The following NCOA7 variants were observed in gnomAD, a reference collection of about 807,000 sequenced individuals.
NCOA7 encodes 140 kDa estrogen receptor-associated protein.
Under a neutral mutation model 104.3 loss-of-function variants are expected in NCOA7, and 45 were observed. The observed-to-expected ratio is 0.43, with a 90% CI of 0.34 to 0.55. The LOEUF is 0.55. Ranked by LOEUF, NCOA7 falls within the 20% of genes least tolerant of loss-of-function variation. The probability of loss-of-function intolerance (pLI) is 0.02; values close to 1 mark genes in which losing one functional copy is unlikely to be tolerated. For missense variants in NCOA7, 1,041 were observed against 1,119.7 expected (o/e 0.93, Z 1.00); for synonymous variants, 398 against 402.3 (o/e 0.99, Z 0.13).
At chr6:125,784,514 A>C (rs1288521970) in intron 1 of NCOA7, among the ~76,000 whole-genome samples, 1 of 152,236 alleles carries the variant, frequency 6.6e-6, no homozygotes, top group Non-Finnish European at 1.5e-5. Flanking sequence ...TTACCATATG[A>C]CTCAGCAAAT....
rs766700394 is a variant in NCOA7 at position 125,930,805 on chromosome 6, G to A, written c.*2034G>A. 1 of 152,296 alleles carries A rather than the reference G, an allele frequency of 6.6e-6. No homozygotes were observed. Among genetic ancestry groups the A allele is most frequent in the Non-Finnish European group, 1.5e-5 (1 of 68,028 alleles). 9.4% of individuals were successfully genotyped at this position (152,296 alleles called of 1,614,324 possible). ...CTGGCAGTTTCACCTTAACCTGCTC[G>A]TTAAATAATGTGTTGGTGTGAGATA... is the stretch of plus-strand genomic sequence containing the variant. On this transcript the variant is annotated 3_prime_UTR_variant, in exon 16 of 16. Transcript: ENST00000392477.
chr6:125,882,815 G>T (rs1783954080), intron 7 of NCOA7, among the ~76,000 whole-genome samples: 1 of 152,068 alleles, frequency 6.6e-6, no homozygotes. Context: ...AATTGTTAGG[G>T]AGACAATATA....
intron 10 of NCOA7, among the ~76,000 whole-genome samples, chr6:125,893,784 G>A (rs545828390): frequency 2.0e-5 from 3 of 152,268 alleles, no homozygotes; most frequent in Admixed American, 6.5e-5. Flanking sequence ...TATTTACCTT[G>A]GTAGAAGTTG....
chr6:125,916,036 C>T (rs115484292), intron 11 of NCOA7, among the ~76,000 whole-genome samples: 3 of 152,282 alleles, frequency 2.0e-5, no homozygotes, highest in Admixed American at 6.5e-5. Flanking sequence ...AGTTTGGCTC[C>T]ACGTCCCCAT....
intron 13 of NCOA7, among the ~76,000 whole-genome samples, chr6:125,925,832 A>G (rs1031195186): frequency 2.0e-5 from 3 of 152,334 alleles, no homozygotes; most frequent in South Asian, 4.1e-4. Context: ...TTACATTTTT[A>G]TATGGTATAG....
At chr6:125,888,916 A>G in intron 8 of NCOA7, 23 bp from the exon 9 acceptor site, 1 of 1,545,774 alleles carries the variant, frequency 6.5e-7, no homozygotes. Context: ...TTCCATGTGC[A>G]CCCACCATTT....
intron 1 of NCOA7, among the ~76,000 whole-genome samples, chr6:125,804,366 A>AG (rs1776212957): frequency 6.6e-6 from 1 of 152,168 alleles, no homozygotes; most frequent in African/African-American, 2.4e-5. Flanking sequence ...ACAGCATAGT[A>AG]GGGGGTATCT....
intron 14 of NCOA7, 92 bp from the exon 15 acceptor site, chr6:125,928,082 T>A: frequency 8.3e-7 from 1 of 1,200,692 alleles, no homozygotes; most frequent in Non-Finnish European, 1.2e-6. Context: ...GTGAGGTGGT[T>A]CCCTTTTACA....
intron 1 of NCOA7, chr6:125,810,353 G>A (rs1469808886): frequency 6.6e-6 from 1 of 152,134 alleles, no homozygotes; most frequent in East Asian, 1.9e-4. Flanking sequence ...TTGAGGTAAG[G>A]ATTTTTATGT....
At chr6:125,835,522 T>A (rs756215108) in intron 2 of NCOA7, among the ~76,000 whole-genome samples, 1 of 152,268 alleles carries the variant, frequency 6.6e-6, no homozygotes, top group Non-Finnish European at 1.5e-5. Flanking sequence ...AAATCCTTCC[T>A]TTCTTTTAGC....
At chr6:125,891,642 T>C (rs958128473) in intron 10 of NCOA7, among the ~76,000 whole-genome samples, 11 of 152,218 alleles carry the variant, frequency 7.2e-5, no homozygotes, top group Non-Finnish European at 1.5e-4. Flanking sequence ...TTCCATAGCA[T>C]GATTTCTCAG....
chr6:125,900,729 G>T (rs2128670765), intron 10 of NCOA7, among the ~76,000 whole-genome samples: 1 of 152,064 alleles, frequency 6.6e-6, no homozygotes, highest in East Asian at 1.9e-4. Context: ...TCACATTGTT[G>T]TACATTAGAT....
At chr6:125,831,271 A>G (rs1486963279) in intron 2 of NCOA7, among the ~76,000 whole-genome samples, 1 of 152,168 alleles carries the variant, frequency 6.6e-6, no homozygotes, top group Non-Finnish European at 1.5e-5. Context: ...GCCCATCAAT[A>G]TGCCAAATCT....
intron 8 of NCOA7, among the ~76,000 whole-genome samples, chr6:125,887,357 C>G: frequency 6.6e-6 from 1 of 152,120 alleles, no homozygotes; most frequent in Non-Finnish European, 1.5e-5. Flanking sequence ...ACTTGTTTGA[C>G]TCTAGGATGG....
rs1009039516 is a variant in NCOA7, at chr6:125,930,974, C to G, written c.*2203C>G. The G allele has an allele frequency of 6.6e-6, 1 of 152,666 alleles. No homozygotes were observed. The highest frequency in any genetic ancestry group is 6.5e-5 in the Admixed American group (1 of 15,286). 9.5% of individuals were successfully genotyped at this position (152,666 alleles called of 1,614,324 possible). A position where few individuals can be genotyped will look rare whatever the true frequency, so the allele number is the denominator to read the frequency against. On this transcript the variant is annotated 3_prime_UTR_variant, in exon 16 of 16. Transcript: ENST00000392477. ...GTCCATGATACTATAATTGTGAGAG[C>G]ATATCCAGATGCTGTGTTCTCTATG...
chr6:125,838,952 G>A (rs1040188088), intron 2 of NCOA7, among the ~76,000 whole-genome samples: 4 of 152,100 alleles, frequency 2.6e-5, no homozygotes, highest in African/African-American at 9.7e-5. Context: ...ATTCAGGGGT[G>A]GTGCCAACAA....
At chr6:125,885,633 T>C (rs1442832508) in intron 8 of NCOA7, among the ~76,000 whole-genome samples, 2 of 152,174 alleles carry the variant, frequency 1.3e-5, no homozygotes, top group Non-Finnish European at 2.9e-5. Flanking sequence ...CTTAATGAAA[T>C]TATGAAGGAA....
At chr6:125,895,103 C>T (rs574105412) in intron 10 of NCOA7, among the ~76,000 whole-genome samples, 1 of 152,176 alleles carries the variant, frequency 6.6e-6, no homozygotes, top group Non-Finnish European at 1.5e-5. Context: ...TTAGAAAGAA[C>T]CAATAATTCT....
chr6:125,885,157 A>G lies in NCOA7; in HGVS notation c.700-2A>G. The G allele has an allele frequency of 6.2e-7, 1 of 1,613,762 alleles. No individual in the cohort carries two copies. Among genetic ancestry groups the G allele is most frequent in the Non-Finnish European group, 8.5e-7 (1 of 1,179,756 alleles). On this transcript the variant is annotated splice_acceptor_variant, in intron 7 of 15. Coordinates refer to ENST00000392477, the MANE Select transcript of NCOA7 (RefSeq NM_181782.5). LOFTEE classifies it high-confidence loss of function. ...ATTCTGTCCTGTTGCTTTCTCCTGC[A>G]GGGTGTGGTTGGCGGTGTTATGATA...
Sources: gnomAD v4.1 joint callset for allele counts (sites outside exome capture counted in the v4.1 genomes callset) on GRCh38, gnomAD v4.1.1 for gene constraint, MANE v1.5 for transcripts, NCBI Gene and HGNC (gene_info 2026-07-23, HGNC 2026-07-21) for gene names.